CFAP57: variants seen among roughly 807,000 people sequenced by gnomAD.
CFAP57 encodes the protein cilia and flagella associated protein 57.
A neutral mutation model predicts 146.8 loss-of-function variants in CFAP57; 116 were observed. The observed-to-expected ratio is 0.79, with a 90% CI of 0.68 to 0.92. The LOEUF (loss-of-function observed/expected upper bound fraction) is 0.92. CFAP57 is among the 40% of genes least tolerant of loss of function. The pLI is 0.00. For synonymous variants in CFAP57, 518 were observed against 552.8 expected (o/e 0.94, Z 0.88); for missense variants, 1,377 against 1,527.2 (o/e 0.90, Z 1.64).
chr1:43,198,470 C>G lies in CFAP57; in HGVS notation c.1263-11C>G, dbSNP rs762297274. On this transcript the variant is annotated splice_polypyrimidine_tract_variant and intron_variant, in intron 7 of 22. Transcript: ENST00000372492. ...CTAAGCTTACAATTCAGTAATTGAT[C>G]TTTTTCACAGCACCCTGGAACTATT... is the stretch of plus-strand genomic sequence containing the variant. The G allele has an allele frequency of 1.9e-6, 3 of 1,613,666 alleles. No homozygotes were observed. The highest frequency in any genetic ancestry group is 2.5e-6 in the Non-Finnish European group (3 of 1,179,904).
In CFAP57 at chr1:43,181,703, A is replaced by G; in HGVS notation, c.327A>G (p.Lys109=). The part of the protein sequence containing the change: ...VLNNFDFQVQ[K]FISMAFSPDS... ...ATAATTTTGACTTCCAAGTTCAGAA[A>G]TTTATTAGCATGGCTTTTTCTCCAG... The change falls in exon 3 of 23, where the codon AAA becomes AAG. Residue 109 remains lysine, a synonymous_variant. Transcript: ENST00000372492. 7 of 1,614,154 alleles carry G rather than the reference A, an allele frequency of 4.3e-6. No individual in the cohort carries two copies. The highest frequency in any genetic ancestry group is 5.9e-6 in the Non-Finnish European group (7 of 1,180,042).
At chr1:43,211,109 G>A (rs1052081324) in intron 11 of CFAP57, among the ~76,000 whole-genome samples, 3 of 152,070 alleles carry the variant, frequency 2.0e-5, no homozygotes, top group Non-Finnish European at 4.4e-5. Context: ...AACACTAGCT[G>A]TATTAAGAAA....
At position 43,243,346 on chromosome 1, in the gene CFAP57, A is replaced by G; in HGVS notation, c.3525A>G (p.Glu1175=). 6.5e-7 allele frequency: 1 copy of G among 1,537,694 alleles called. No homozygotes were observed. The highest frequency in any genetic ancestry group is 8.8e-7 in the Non-Finnish European group (1 of 1,139,558). The part of the protein sequence containing the change: ...LKLTKKVRPQ[E]VSETEPSRDM... ...TGACCAAGAAAGTCCGACCACAAGAAGTTTCAGAGACAGGTAATATCACCA... is the reference window on the plus strand; with the variant it reads ...TGACCAAGAAAGTCCGACCACAAGAGGTTTCAGAGACAGGTAATATCACCA... Residue 1175 remains glutamate (E), a synonymous_variant, in exon 22 of 23, where the codon GAA becomes GAG. Coordinates refer to ENST00000372492, the MANE Select transcript of CFAP57 (RefSeq NM_001378189.1).
intron 12 of CFAP57, among the ~76,000 whole-genome samples, chr1:43,216,993 G>A (rs1207235768): frequency 1.3e-5 from 2 of 152,264 alleles, no homozygotes; most frequent in Non-Finnish European, 2.9e-5. Context: ...GAACGATGCT[G>A]TGGGAGCACA....
At chr1:43,182,732 C>T (rs1397520159) in intron 3 of CFAP57, among the ~76,000 whole-genome samples, 1 of 152,174 alleles carries the variant, frequency 6.6e-6, no homozygotes, top group Non-Finnish European at 1.5e-5. Context: ...TGAAGGACCT[C>T]CTGCTCTGAC....
At chr1:43,185,033 G>A in intron 4 of CFAP57, 116 bp from the exon 5 acceptor site, 1 of 1,107,416 alleles carries the variant, frequency 9.0e-7, no homozygotes, top group Non-Finnish European at 1.4e-6. Context: ...TGTGGAAAAG[G>A]GGATCATTGG....
intron 6 of CFAP57, among the ~76,000 whole-genome samples, 180 bp from the exon 7 acceptor site, chr1:43,197,373 A>G: frequency 6.6e-6 from 1 of 152,266 alleles, no homozygotes; most frequent in East Asian, 1.9e-4. Flanking sequence ...AAAATAAAAT[A>G]AAATAAAAAA....
intron 22 of CFAP57, among the ~76,000 whole-genome samples, chr1:43,248,804 A>C (rs1173178149): frequency 6.6e-6 from 1 of 152,148 alleles, no homozygotes; most frequent in East Asian, 1.9e-4. Context: ...AGAAATCCTG[A>C]ACTATCAGAT....
intron 6 of CFAP57, among the ~76,000 whole-genome samples, chr1:43,192,746 G>A (rs919680733): frequency 2.4e-4 from 36 of 150,516 alleles, no homozygotes; most frequent in Admixed American, 6.7e-5. Flanking sequence ...CCAACATGGC[G>A]AAACCCAGTC....
rs927838810 is a variant in CFAP57, at chr1:43,197,819, A to G, written c.1262+127A>G. Reference sequence around the variant, plus strand: ...GCTTTCAGTTGGAAAAGATTTTTAAAAAATCAAGTCAGTCAACCTACCTGT... The same window carrying G: ...GCTTTCAGTTGGAAAAGATTTTTAAGAAATCAAGTCAGTCAACCTACCTGT... On this transcript the variant is annotated intron_variant, in intron 7 of 22. Coordinates refer to ENST00000372492, the MANE Select transcript of CFAP57 (RefSeq NM_001378189.1). The G allele has an allele frequency of 6.1e-5, 83 of 1,368,776 alleles. No homozygotes were observed. In the African/African-American group the frequency reaches 1.1e-3, roughly 18 times the overall value. The allele number at this position is 1,368,776 out of a possible 1,614,324, so 84.8% of individuals were successfully genotyped here.
chr1:43,183,382 G>C lies in CFAP57; in HGVS notation c.475-209G>C, dbSNP rs575321566. Among the ~76,000 whole-genome samples the C allele has an allele frequency of 9.2e-5, 14 of 152,232 alleles. No individual in the cohort carries two copies. The East Asian group carries it at 2.3e-3, about 25-fold the overall frequency. On this transcript the variant is annotated intron_variant, in intron 3 of 22. Coordinates refer to ENST00000372492, the MANE Select transcript of CFAP57 (RefSeq NM_001378189.1). ...CTCTTTGGCCTTTGTAGATTTCCTA[G>C]TTTGACTCCTAGTTGGACTCATATC... is the stretch of plus-strand genomic sequence containing the variant.
chr1:43,232,833 T>G (rs766125424), intron 19 of CFAP57, among the ~76,000 whole-genome samples: 1 of 152,180 alleles, frequency 6.6e-6, no homozygotes, highest in African/African-American at 2.4e-5. Flanking sequence ...TAAAATGACT[T>G]TGGGTAAGTG....
chr1:43,241,505 G>C (rs1008484801), intron 21 of CFAP57, among the ~76,000 whole-genome samples: 2 of 152,108 alleles, frequency 1.3e-5, no homozygotes, highest in African/African-American at 4.8e-5. Context: ...ACAGCTCAGG[G>C]AGAACAGTGC....
chr1:43,197,182 G>A (rs984256747), intron 6 of CFAP57, among the ~76,000 whole-genome samples: 3 of 151,852 alleles, frequency 2.0e-5, no homozygotes, highest in East Asian at 3.9e-4. Flanking sequence ...GTGAAACCGC[G>A]TCTCTACTAA....
Position 43,222,869 on chromosome 1 carries a change from A to C in CFAP57, c.2578A>C (p.Lys860Gln). ...GCAGCTGCGGGAGTTTGAAGAGACC[A>C]AGAAGCAGATTGAGGAAGATGAAGA... is the stretch of plus-strand genomic sequence containing the variant. ...RQQLREFEET[K>Q]KQIEEDEDRE... is the part of the protein sequence containing the mutation. The change falls in exon 16 of 23, where the codon AAG (lysine) becomes CAG (glutamine). Residue 860 changes from lysine (K) to glutamine (Q), a missense_variant. Transcript: ENST00000372492. 6.5e-7 allele frequency: 1 copy of C among 1,550,282 alleles called. No individual in the cohort carries two copies. The highest frequency in any genetic ancestry group is 8.7e-7 in the Non-Finnish European group (1 of 1,146,790).
intron 21 of CFAP57, among the ~76,000 whole-genome samples, chr1:43,237,691 C>A (rs886552890): frequency 6.6e-6 from 1 of 152,090 alleles, no homozygotes; most frequent in Non-Finnish European, 1.5e-5. Flanking sequence ...TGAGAAAAAG[C>A]AGAGAAGAGT....
chr1:43,215,398 A>C lies in CFAP57; in HGVS notation c.2073A>C (p.Lys691Asn). ...VGFAEEVLVT[K>N]TDMEEKAQVM... ...TTGCCGAAGAGGTGCTTGTGACTAAAACAGACATGGAAGAAAAGGTAAGAA... is the reference window on the plus strand; with the variant it reads ...TTGCCGAAGAGGTGCTTGTGACTAACACAGACATGGAAGAAAAGGTAAGAA... Residue 691 changes from lysine to asparagine, a missense_variant, in exon 12 of 23, where the codon AAA (lysine) becomes AAC (asparagine). Transcript: ENST00000372492. 1 of 1,550,756 alleles carries C rather than the reference A, an allele frequency of 6.4e-7. No individual in the cohort carries two copies. Among genetic ancestry groups the C allele is most frequent in the South Asian group, 1.2e-5 (1 of 84,052 alleles).
At chr1:43,208,657 A>T (rs1182875727) in intron 10 of CFAP57, among the ~76,000 whole-genome samples, 1 of 152,140 alleles carries the variant, frequency 6.6e-6, no homozygotes, top group Non-Finnish European at 1.5e-5. Flanking sequence ...GATGGGGGGA[A>T]CAGGGAGGGA....
chr1:43,178,168 C>T (rs148447584), intron 2 of CFAP57, among the ~76,000 whole-genome samples: 1 of 152,136 alleles, frequency 6.6e-6, no homozygotes, highest in African/African-American at 2.4e-5. Context: ...AGTGTTAGAC[C>T]TGAAACCATA....
Sources: gnomAD v4.1 joint callset for allele counts (sites outside exome capture counted in the v4.1 genomes callset) on GRCh38, gnomAD v4.1.1 for gene constraint, MANE v1.5 for transcripts, NCBI Gene and HGNC (gene_info 2026-07-23, HGNC 2026-07-21) for gene names.